The following GABBR2 variants were observed in gnomAD, a reference collection of about 807,000 sequenced individuals.
GABBR2 encodes gamma-aminobutyric acid type B receptor subunit 2, also known as G-protein coupled receptor 51.
Under a neutral mutation model 105.6 loss-of-function variants are expected in GABBR2, and 23 were observed. The ratio of observed to expected loss-of-function variants is 0.22; its 90% confidence interval spans 0.16 to 0.31. GABBR2 has a LOEUF of 0.31. Ranked by LOEUF, GABBR2 falls within the 10% of genes least tolerant of loss-of-function variation. GABBR2 has a pLI of 1.00. For missense variants in GABBR2, 734 were observed against 1,245.5 expected (o/e 0.59, Z 6.18); for synonymous variants, 478 against 499.7 (o/e 0.96, Z 0.58).
intron 1 of GABBR2, among the ~76,000 whole-genome samples, chr9:98,638,853 T>C (rs964329786): frequency 2.6e-5 from 4 of 152,258 alleles, no homozygotes; most frequent in African/African-American, 9.6e-5. Context: ...ATCTTAGTTA[T>C]AGATTAAAAA....
Position 98,494,579 on chromosome 9 carries a change from T to G in GABBR2, c.732+1834A>C, listed in dbSNP as rs543563194. On this transcript the variant is annotated intron_variant, in intron 4 of 18. Transcript: ENST00000259455. ...GGGTTTGAATCCCAACCCACCATTT[T>G]TCAGCTGGGTGTCTTGGGGTAGTTG... Among the ~76,000 whole-genome samples, 9 of 152,276 alleles carry G rather than the reference T, an allele frequency of 5.9e-5. No homozygotes were observed. The East Asian group carries it at 1.7e-3, about 29-fold the overall frequency.
At chr9:98,380,216 A>G (rs1285042060) in intron 11 of GABBR2, among the ~76,000 whole-genome samples, 1 of 152,226 alleles carries the variant, frequency 6.6e-6, no homozygotes, top group Non-Finnish European at 1.5e-5. Context: ...TGACTCGCAG[A>G]GGCTGAGGGC....
In GABBR2 at chr9:98,486,935, C is replaced by G. The variant is rs150799282; in HGVS notation, c.733-5938G>C. On this transcript the variant is annotated intron_variant, in intron 4 of 18. Coordinates refer to ENST00000259455, the MANE Select transcript of GABBR2 (RefSeq NM_005458.8). Reference sequence around the variant, plus strand: ...AATTTGTCTTACTTAGACCCCACCCCCCACTGGAAATGTCCATAAAGGCAG... The same window carrying G: ...AATTTGTCTTACTTAGACCCCACCCGCCACTGGAAATGTCCATAAAGGCAG... Among the ~76,000 whole-genome samples the G allele has an allele frequency of 9.6e-3, 1,468 of 152,192 alleles. 19 individuals are homozygous for G. The highest frequency in any genetic ancestry group is 0.034 in the African/African-American group (1,416 of 41,522).
intron 13 of GABBR2, among the ~76,000 whole-genome samples, chr9:98,312,902 A>T (rs1284767651): frequency 6.6e-6 from 1 of 152,098 alleles, no homozygotes; most frequent in East Asian, 1.9e-4. Flanking sequence ...GGCGGCCGCC[A>T]CCATGCCTGG....
intron 3 of GABBR2, among the ~76,000 whole-genome samples, chr9:98,518,788 G>A (rs1404594747): frequency 6.6e-6 from 1 of 152,152 alleles, no homozygotes; most frequent in Non-Finnish European, 1.5e-5. Context: ...TCAAGGTCAG[G>A]AAAGACAGTC....
intron 8 of GABBR2, among the ~76,000 whole-genome samples, chr9:98,402,915 A>T (rs867514350): frequency 6.6e-6 from 1 of 152,142 alleles, no homozygotes; most frequent in African/African-American, 2.4e-5. Context: ...GTTGATACGC[A>T]TATGCCCCCT....
intron 11 of GABBR2, among the ~76,000 whole-genome samples, chr9:98,374,006 C>T (rs1193678040): frequency 6.6e-6 from 1 of 151,978 alleles, no homozygotes; most frequent in Non-Finnish European, 1.5e-5. Flanking sequence ...TGCAGGCATG[C>T]ACCACCATGC....
intron 5 of GABBR2, among the ~76,000 whole-genome samples, chr9:98,474,802 C>T (rs1826753415): frequency 6.6e-6 from 1 of 152,156 alleles, no homozygotes; most frequent in Non-Finnish European, 1.5e-5. Flanking sequence ...CTCCCAACAA[C>T]TCCTATATGT....
At chr9:98,696,952 C>A (rs1830760631) in intron 1 of GABBR2, among the ~76,000 whole-genome samples, 1 of 151,918 alleles carries the variant, frequency 6.6e-6, no homozygotes, top group African/African-American at 2.4e-5. Context: ...GAGAGGCAAG[C>A]AGTTGGGGGT....
chr9:98,372,469 C>A (rs1215558434), intron 11 of GABBR2, among the ~76,000 whole-genome samples: 2 of 152,260 alleles, frequency 1.3e-5, no homozygotes, highest in African/African-American at 4.8e-5. Context: ...GGTCTTTGCT[C>A]TCCCTCAGCT....
At chr9:98,698,039 A>C (rs970655742) in intron 1 of GABBR2, among the ~76,000 whole-genome samples, 1 of 152,246 alleles carries the variant, frequency 6.6e-6, no homozygotes, top group African/African-American at 2.4e-5. Context: ...TTTCAAAATC[A>C]GTTTTCTCTG....
At chr9:98,633,101 CA>C (rs1292402362) in intron 1 of GABBR2, among the ~76,000 whole-genome samples, 1 of 152,128 alleles carries the variant, frequency 6.6e-6, no homozygotes, top group Non-Finnish European at 1.5e-5. Context: ...TTTCAAGGAA[CA>C]AAAGTGAAGT....
intron 13 of GABBR2, among the ~76,000 whole-genome samples, chr9:98,329,899 C>T (rs1303451148): frequency 1.3e-5 from 2 of 152,068 alleles, no homozygotes; most frequent in African/African-American, 2.4e-5. Context: ...CACATGCACA[C>T]TTTCCCTCCT....
intron 11 of GABBR2, among the ~76,000 whole-genome samples, chr9:98,384,893 T>C (rs1202905982): frequency 6.6e-6 from 1 of 152,136 alleles, no homozygotes; most frequent in African/African-American, 2.4e-5. Flanking sequence ...AGAGGAATCA[T>C]TAGGAAAAAA....
chr9:98,595,250 C>G (rs932157170), intron 1 of GABBR2, among the ~76,000 whole-genome samples: 1 of 151,974 alleles, frequency 6.6e-6, no homozygotes, highest in Non-Finnish European at 1.5e-5. Flanking sequence ...CTCCCTTGTA[C>G]CTCTTTTATA....
intron 17 of GABBR2, among the ~76,000 whole-genome samples, chr9:98,296,266 G>A (rs1830380886): frequency 6.6e-6 from 1 of 152,226 alleles, no homozygotes; most frequent in Non-Finnish European, 1.5e-5. Context: ...AGAGGATGCA[G>A]CAATCCAGGT....
At chr9:98,421,213 C>T (rs1367011608) in intron 7 of GABBR2, among the ~76,000 whole-genome samples, 1 of 152,216 alleles carries the variant, frequency 6.6e-6, no homozygotes, top group Non-Finnish European at 1.5e-5. Flanking sequence ...AATTCACAGT[C>T]TCAACATTAG....
Position 98,306,585 on chromosome 9 carries a change from C to T in GABBR2, c.2005-240G>A. 1.8e-6 allele frequency: 1 copy of T among 557,878 alleles called. No homozygotes were observed. Among genetic ancestry groups the T allele is most frequent in the Non-Finnish European group, 3.2e-6 (1 of 310,048 alleles). The allele number at this position is 557,878 out of a possible 1,614,324, so 34.6% of individuals were successfully genotyped here. On this transcript the variant is annotated intron_variant, in intron 14 of 18. Coordinates refer to ENST00000259455, the MANE Select transcript of GABBR2 (RefSeq NM_005458.8). The surrounding 1 kb of genome is among the most constrained non-coding windows in gnomAD (Gnocchi z 5.4). ...GTGACAGCTGTCCAGTTCTCCTGCA[C>T]CCCTATGACTGGTTCATGCACAGAC...
intron 6 of GABBR2, among the ~76,000 whole-genome samples, chr9:98,467,487 G>C (rs924395815): frequency 6.6e-6 from 1 of 152,184 alleles, no homozygotes; most frequent in South Asian, 2.1e-4. Context: ...AGAGAGCAGC[G>C]CTGTGAAGCT....
Sources: allele counts gnomAD v4.1 joint callset (sites outside exome capture counted in the v4.1 genomes callset), GRCh38; gene constraint gnomAD v4.1.1; non-coding constraint Gnocchi (gnomAD v3.1); transcripts MANE v1.5; gene names NCBI Gene and HGNC (gene_info 2026-07-23, HGNC 2026-07-21).